AP1B1: variants seen among roughly 807,000 people sequenced by gnomAD.
The protein encoded by AP1B1 is AP-1 complex subunit beta-1.
A neutral mutation model predicts 104.3 loss-of-function variants in AP1B1; 36 were observed. That is an observed-to-expected ratio of 0.35 (90% confidence interval 0.26 to 0.46). The LOEUF (loss-of-function observed/expected upper bound fraction) is 0.46. Ranked by LOEUF, AP1B1 falls within the 20% of genes least tolerant of loss-of-function variation. AP1B1 has a pLI of 1.00. For missense variants in AP1B1, 901 were observed against 1,247.9 expected (o/e 0.72, Z 4.19); for synonymous variants, 504 against 517.5 (o/e 0.97, Z 0.35).
chr22:29,368,322 A>C (rs1294757403), intron 1 of AP1B1, among the ~76,000 whole-genome samples: 1 of 152,140 alleles, frequency 6.6e-6, no homozygotes, highest in African/African-American at 2.4e-5. Context: ...CAATAGGACA[A>C]AGAAAGTACT....
chr22:29,338,958 G>C, intron 16 of AP1B1, 32 bp downstream of exon 16: 1 of 1,613,112 alleles, frequency 6.2e-7, no homozygotes, highest in South Asian at 1.1e-5. Flanking sequence ...ACTTCTCTCT[G>C]CTCCCGCCAA....
chr22:29,329,102 C>A, intron 22 of AP1B1: 1 of 1,381,616 alleles, frequency 7.2e-7, no homozygotes. Context: ...TACTTGCAGC[C>A]CACACACCTG....
chr22:29,369,305 G>A lies in AP1B1; in HGVS notation c.-27-2035C>T, dbSNP rs923668799. Among the ~76,000 whole-genome samples the A allele has an allele frequency of 1.1e-4, 17 of 152,102 alleles. No homozygotes were observed. In the East Asian group the frequency reaches 1.9e-3, roughly 17 times the overall value. Reference sequence around the variant, plus strand: ...ATGGCACTGAGCAAGCCTCCCAACCGAGAGACACCCATAGATTTTGTTTCA... The same window carrying A: ...ATGGCACTGAGCAAGCCTCCCAACCAAGAGACACCCATAGATTTTGTTTCA... On this transcript the variant is annotated intron_variant, in intron 1 of 22. Transcript: ENST00000357586.
At chr22:29,367,624 TTCTAGAAA>T (rs2148023229) in intron 1 of AP1B1, among the ~76,000 whole-genome samples, 1 of 151,950 alleles carries the variant, frequency 6.6e-6, no homozygotes, top group African/African-American at 2.4e-5. Context: ...AATGTGCCTC[TTCTAGAAA>T]TCTTTCCCAC....
chr22:29,359,502 T>C (rs1352751538), intron 4 of AP1B1, among the ~76,000 whole-genome samples: 4 of 152,258 alleles, frequency 2.6e-5, no homozygotes, highest in African/African-American at 9.6e-5. Context: ...AGCAGCAGTC[T>C]GTAAGGGCAA....
chr22:29,388,538 C>G lies in AP1B1; in HGVS notation c.-142G>C, dbSNP rs957122293. The G allele has an allele frequency of 1.3e-5, 2 of 152,280 alleles. No individual in the cohort carries two copies. The highest frequency in any genetic ancestry group is 6.5e-5 in the Admixed American group (1 of 15,292). The allele number at this position is 152,280 out of a possible 1,614,324, so 9.4% of individuals were successfully genotyped here. On this transcript the variant is annotated 5_prime_UTR_variant, in exon 1 of 23. Transcript: ENST00000357586. Reference sequence around the variant, plus strand: ...TCCGGGCTGCCGGCGGCTCGGAGCCCCGCGGCTGTCACCTGCCGGGCGGAA... The same window carrying G: ...TCCGGGCTGCCGGCGGCTCGGAGCCGCGCGGCTGTCACCTGCCGGGCGGAA...
chr22:29,330,625 G>A lies in AP1B1; in HGVS notation c.2609C>T (p.Ala870Val). The A allele has an allele frequency of 6.2e-7, 1 of 1,613,718 alleles. No individual in the cohort carries two copies. Residue 870 changes from alanine to valine, a missense_variant and splice_region_variant, in exon 20 of 23, where the codon GCA (alanine) becomes GTA (valine). Physicochemically the swap from Ala to Val is moderately conservative, Grantham distance 64. Around this residue, in one of 3 missense-constraint regions of AP1B1, gnomAD observed 424 missense variants for 494.0 expected, o/e 0.86. Transcript: ENST00000357586. ...QFQIRDCPLN[A>V]EAASSKLQSS... ...GGTCGGGGGCTCGGAGTCCTCACCT[G>A]CATTGAGGGGGCAGTCTCTGATCTG... is the stretch of plus-strand genomic sequence containing the variant.
At chr22:29,329,503 C>T (rs2061524879) in intron 22 of AP1B1, 3 of 1,408,560 alleles carry the variant, frequency 2.1e-6, no homozygotes, top group African/African-American at 2.9e-5. Context: ...CCCACGGGCC[C>T]TCCAGGTCTC....
chr22:29,328,750 A>T lies in AP1B1; in HGVS notation c.*71T>A. 1.3e-6 allele frequency: 2 copies of T among 1,538,428 alleles called. No homozygotes were observed. Among genetic ancestry groups the T allele is most frequent in the Non-Finnish European group, 1.8e-6 (2 of 1,138,684 alleles). On this transcript the variant is annotated 3_prime_UTR_variant, in exon 23 of 23. Coordinates refer to ENST00000357586, the MANE Select transcript of AP1B1 (RefSeq NM_001127.4). This position sits in a 1 kb window ranked among gnomAD's most constrained non-coding sequence, Gnocchi z 4.1. ...CCGCCTGGTCCCTCCTGCGAGGAGG[A>T]AGATGTGCTGCCCCCGAGGGGCCTC...
chr22:29,329,926 G>A lies in AP1B1; in HGVS notation c.2767-206C>T, dbSNP rs73884714. On this transcript the variant is annotated intron_variant, in intron 21 of 22. Coordinates refer to ENST00000357586, the MANE Select transcript of AP1B1 (RefSeq NM_001127.4). ...GAGTTTGGGGCTGTCCGGGGCCCTG[G>A]AACAGCGGTGCAGGCCTCCAGGACA... 7,537 of 1,424,496 alleles carry A rather than the reference G, an allele frequency of 5.3e-3. 347 individuals carry two copies. In the African/African-American group the frequency reaches 0.11, roughly 20 times the overall value. 88.2% of individuals were successfully genotyped at this position (1,424,496 alleles called of 1,614,324 possible).
intron 16 of AP1B1, 151 bp downstream of exon 16, chr22:29,338,839 G>T: frequency 8.7e-7 from 1 of 1,152,854 alleles, no homozygotes; most frequent in Non-Finnish European, 1.2e-6. Context: ...GCTTGACTTA[G>T]CTCCTCTTCC....
Position 29,331,939 on chromosome 22 carries a change from G to C in AP1B1, c.2310-23C>G, listed in dbSNP as rs1055622652. The C allele has an allele frequency of 1.3e-5, 20 of 1,594,096 alleles. No homozygotes were observed. In the Admixed American group the frequency reaches 3.3e-4, roughly 26 times the overall value. On this transcript the variant is annotated intron_variant, in intron 17 of 22. Coordinates refer to ENST00000357586, the MANE Select transcript of AP1B1 (RefSeq NM_001127.4). ...AAGCTGGGGAGAGAGAAGCCCCACA[G>C]GGATGGCAGGGGGAGTAGGTGCTGA...
intron 11 of AP1B1, among the ~76,000 whole-genome samples, chr22:29,344,940 T>C (rs2061769410): frequency 6.6e-6 from 1 of 152,172 alleles, no homozygotes; most frequent in African/African-American, 2.4e-5. Flanking sequence ...TGCAGGCCCA[T>C]AGTCCTAGCT....
intron 2 of AP1B1, among the ~76,000 whole-genome samples, chr22:29,363,541 G>A (rs1005458280): frequency 3.3e-5 from 5 of 152,014 alleles, no homozygotes; most frequent in African/African-American, 7.3e-5. Context: ...CCAGCTACTC[G>A]GGAGGCTGAG....
chr22:29,346,567 G>A (rs187540041), intron 11 of AP1B1, among the ~76,000 whole-genome samples: 326 of 152,372 alleles, frequency 2.1e-3, no homozygotes, highest in African/African-American at 7.3e-3. Flanking sequence ...GCGGAGCTGA[G>A]GCAGTAATGC....
intron 22 of AP1B1, 156 bp downstream of exon 22, chr22:29,329,556 G>A: frequency 1.3e-6 from 2 of 1,494,500 alleles, no homozygotes; most frequent in South Asian, 1.3e-5. Flanking sequence ...TGGAAGTGGG[G>A]TGTCAGCACC....
chr22:29,334,609 A>C (rs1207857603), intron 16 of AP1B1, among the ~76,000 whole-genome samples, 199 bp from the exon 17 acceptor site: 1 of 152,208 alleles, frequency 6.6e-6, no homozygotes, highest in Non-Finnish European at 1.5e-5. Context: ...GGCCACCGCC[A>C]TGACAGGCTG....
intron 2 of AP1B1, among the ~76,000 whole-genome samples, chr22:29,366,206 C>T (rs1602772817): frequency 6.6e-6 from 1 of 152,260 alleles, no homozygotes; most frequent in Non-Finnish European, 1.5e-5. Flanking sequence ...CAGAAACAAC[C>T]AAAATACCCA....
In AP1B1 at chr22:29,342,327, C is replaced by T. The variant is rs2147959133; in HGVS notation, c.1494G>A (p.Glu498=). Residue 498 remains glutamate, a synonymous_variant, in exon 12 of 23, where the codon GAG becomes GAA. Coordinates refer to ENST00000357586, the MANE Select transcript of AP1B1 (RefSeq NM_001127.4). The part of the protein sequence containing the change: ...IVKLFLKKPT[E]TQELVQQVLS... Reference sequence around the variant, plus strand: ...GGACCTGCTGCACCAGCTCCTGGGTCTCTGTTGGCTTCTTTAGAAAGAGTT... The same window carrying T: ...GGACCTGCTGCACCAGCTCCTGGGTTTCTGTTGGCTTCTTTAGAAAGAGTT... The T allele has an allele frequency of 6.2e-7, 1 of 1,614,136 alleles. No homozygotes were observed. Among genetic ancestry groups the T allele is most frequent in the Non-Finnish European group, 8.5e-7 (1 of 1,180,012 alleles).
Sources: allele counts gnomAD v4.1 joint callset (sites outside exome capture counted in the v4.1 genomes callset), GRCh38; gene constraint gnomAD v4.1.1; regional missense constraint gnomAD v4.1.1; non-coding constraint Gnocchi (gnomAD v3.1); transcripts MANE v1.5; gene names NCBI Gene and HGNC (gene_info 2026-07-23, HGNC 2026-07-21).